FGF12: variants seen among roughly 807,000 people sequenced by gnomAD.
FGF12 encodes fibroblast growth factor 12.
Under a neutral mutation model 23.6 loss-of-function variants are expected in FGF12, and 14 were observed. The observed-to-expected ratio is 0.59, with a 90% CI of 0.39 to 0.93. The LOEUF (loss-of-function observed/expected upper bound fraction) is 0.93. Among genes scored for constraint, FGF12 ranks in the 40% least tolerant of loss-of-function variants. FGF12 has a pLI of 0.00. For synonymous variants in FGF12, 62 were observed against 77.3 expected (o/e 0.80, Z 1.04); for missense variants, 175 against 217.8 (o/e 0.80, Z 1.24).
chr3:192,431,675 A>G lies in FGF12; in HGVS notation c.14-71137T>C, dbSNP rs150057373. 1.2e-3 allele frequency among the ~76,000 whole-genome samples: 182 copies of G among 152,336 alleles called. 1 individual carries two copies. The highest frequency in any genetic ancestry group is 4.2e-3 in the African/African-American group (173 of 41,578). On this transcript the variant is annotated intron_variant, in intron 2 of 5. Coordinates refer to ENST00000445105, the MANE Select transcript of FGF12 (RefSeq NM_004113.6). ...AACTCAAGTACCAAGCGTTTCTCCA[A>G]TGATGACTTGTATTATCATAAAGTG... is the stretch of plus-strand genomic sequence containing the variant.
At chr3:192,348,695 A>T (rs1718072622) in intron 3 of FGF12, among the ~76,000 whole-genome samples, 1 of 152,126 alleles carries the variant, frequency 6.6e-6, no homozygotes, top group South Asian at 2.1e-4. Flanking sequence ...TAAATTCGAG[A>T]TACAGTGTAA....
Position 192,462,570 on chromosome 3 carries a change from T to A in FGF12, c.14-102032A>T, listed in dbSNP as rs75586030. On this transcript the variant is annotated intron_variant, in intron 2 of 5. Transcript: ENST00000445105. ...CATAAGTGTAAGAAATAAATTTATT[T>A]TCTTTATAAATTACCTGGTTTTAGG... Among the ~76,000 whole-genome samples the A allele has an allele frequency of 3.1e-3, 471 of 152,266 alleles. 3 individuals carry two copies. The highest frequency in any genetic ancestry group is 0.011 in the African/African-American group (463 of 41,562).
intron 2 of FGF12, among the ~76,000 whole-genome samples, chr3:192,528,056 T>C (rs1268253178): frequency 6.6e-6 from 1 of 152,048 alleles, no homozygotes; most frequent in Non-Finnish European, 1.5e-5. Context: ...ACCTGGCCCC[T>C]CCCAAATCTC....
intron 4 of FGF12, among the ~76,000 whole-genome samples, chr3:192,171,768 T>C (rs12485946): frequency 0.04 from 6,140 of 152,186 alleles, 191 homozygotes; most frequent in Admixed American, 0.057. Flanking sequence ...CAAGCAAACC[T>C]GGAATTAAGT....
intron 4 of FGF12, among the ~76,000 whole-genome samples, chr3:192,317,052 A>C (rs897219847): frequency 6.6e-6 from 1 of 152,086 alleles, no homozygotes. Context: ...ATCACCAGCT[A>C]ACTAAAGAGC....
chr3:192,624,596 T>A (rs539418300), intron 2 of FGF12, among the ~76,000 whole-genome samples: 9 of 152,276 alleles, frequency 5.9e-5, no homozygotes, highest in Non-Finnish European at 1.2e-4. Context: ...CTTTAAACTT[T>A]AAAAAATCAT....
At chr3:192,538,369 G>T (rs1725285777) in intron 2 of FGF12, among the ~76,000 whole-genome samples, 2 of 152,150 alleles carry the variant, frequency 1.3e-5, no homozygotes, top group African/African-American at 4.8e-5. Flanking sequence ...ACTTATTGAA[G>T]ATATTGTCTT....
intron 2 of FGF12, among the ~76,000 whole-genome samples, chr3:192,725,052 T>G (rs900086319): frequency 6.6e-6 from 1 of 152,224 alleles, no homozygotes; most frequent in African/African-American, 2.4e-5. Context: ...GCATAAAATG[T>G]GAAAGATGCA....
chr3:192,447,665 C>T (rs75729016), intron 2 of FGF12, among the ~76,000 whole-genome samples: 1,815 of 152,214 alleles, frequency 0.012, 29 homozygotes, highest in African/African-American at 0.042. Context: ...AGTAAACTTA[C>T]GTAATGACTA....
intron 2 of FGF12, chr3:192,515,399 A>C (rs1368369381): frequency 6.5e-6 from 1 of 152,980 alleles, no homozygotes; most frequent in Non-Finnish European, 1.5e-5. Flanking sequence ...TGGAATAAAG[A>C]AAGCTCCTGG....
intron 5 of FGF12, among the ~76,000 whole-genome samples, chr3:192,156,073 T>C (rs1428398941): frequency 2.6e-5 from 4 of 152,230 alleles, no homozygotes; most frequent in African/African-American, 9.6e-5. Context: ...AAATCTCTTT[T>C]TTTTCTTCAA....
At chr3:192,715,661 C>T (rs1718843850) in intron 2 of FGF12, among the ~76,000 whole-genome samples, 1 of 152,204 alleles carries the variant, frequency 6.6e-6, no homozygotes, top group African/African-American at 2.4e-5. Flanking sequence ...CTAGCCAGAG[C>T]AATCCACACA....
intron 2 of FGF12, among the ~76,000 whole-genome samples, chr3:192,612,580 G>A (rs968066830): frequency 6.6e-6 from 1 of 151,818 alleles, no homozygotes; most frequent in South Asian, 2.1e-4. Flanking sequence ...GAAATGTCAC[G>A]GGAAAATGGT....
In FGF12 at chr3:192,290,373, C is replaced by G. The variant is rs959889657; in HGVS notation, c.228+44988G>C. 2.0e-5 allele frequency among the ~76,000 whole-genome samples: 3 copies of G among 152,192 alleles called. No individual in the cohort carries two copies. In the East Asian group the frequency reaches 5.8e-4, roughly 29 times the overall value. On this transcript the variant is annotated intron_variant, in intron 4 of 5. Transcript: ENST00000445105. ...TGGCTGCACTACACTGCCTACTGATCGTATCCCTATGATAAAGTAATACAT... is the reference window on the plus strand; with the variant it reads ...TGGCTGCACTACACTGCCTACTGATGGTATCCCTATGATAAAGTAATACAT...
chr3:192,423,126 T>A (rs1721582354), intron 2 of FGF12, among the ~76,000 whole-genome samples: 1 of 152,156 alleles, frequency 6.6e-6, no homozygotes, highest in South Asian at 2.1e-4. Context: ...AAATTGTGGG[T>A]AAGACTTAAT....
intron 2 of FGF12, among the ~76,000 whole-genome samples, chr3:192,388,992 A>C (rs900230747): frequency 1.1e-4 from 16 of 152,208 alleles, no homozygotes; most frequent in Admixed American, 2.6e-4. Flanking sequence ...AAGGAAACTA[A>C]GGTAACCAAG....
chr3:192,439,014 T>G (rs1560111279), intron 2 of FGF12, among the ~76,000 whole-genome samples: 2 of 152,238 alleles, frequency 1.3e-5, no homozygotes, highest in Admixed American at 1.3e-4. Flanking sequence ...TATACTGGTT[T>G]GCAGTTTGCA....
chr3:192,147,660 T>C (rs866193005), intron 5 of FGF12, among the ~76,000 whole-genome samples: 2 of 152,198 alleles, frequency 1.3e-5, no homozygotes, highest in Non-Finnish European at 2.9e-5. Context: ...CACCCCCATT[T>C]TTTTTAAATA....
intron 2 of FGF12, among the ~76,000 whole-genome samples, chr3:192,717,390 A>G (rs781529463): frequency 9.8e-5 from 15 of 152,336 alleles, no homozygotes; most frequent in South Asian, 6.2e-4. Flanking sequence ...GAGTCAATAT[A>G]TGTAAAGTAC....
Sources: allele counts gnomAD v4.1 joint callset (sites outside exome capture counted in the v4.1 genomes callset), GRCh38; gene constraint gnomAD v4.1.1; transcripts MANE v1.5; gene names NCBI Gene and HGNC (gene_info 2026-07-23, HGNC 2026-07-21).